Variants in DNAAF2 observed in about 807,000 individuals in gnomAD.
DNAAF2 encodes protein kintoun.
A neutral mutation model predicts 48.8 loss-of-function variants in DNAAF2; 58 were observed. The ratio of observed to expected loss-of-function variants is 1.19; its 90% CI spans 0.96 to 1.48. DNAAF2 has a LOEUF of 1.48. DNAAF2 is among the 40% of genes most tolerant of loss of function. DNAAF2 has a pLI of 0.00. For missense variants in DNAAF2, 1,241 were observed against 1,116.1 expected (o/e 1.11, Z -1.59); for synonymous variants, 567 against 481.2 (o/e 1.18, Z -2.33).
intron 1 of DNAAF2, among the ~76,000 whole-genome samples, chr14:49,630,740 T>TCCACAC (rs1883137471): frequency 7.3e-6 from 1 of 136,846 alleles, no homozygotes; most frequent in African/African-American, 2.8e-5. Context: ...ACAAACTCTC[T>TCCACAC]ACACACACAC....
intron 1 of DNAAF2, among the ~76,000 whole-genome samples, chr14:49,631,752 A>C (rs1354819038): frequency 6.6e-6 from 1 of 152,244 alleles, no homozygotes; most frequent in African/African-American, 2.4e-5. Context: ...TAAACACTGA[A>C]AACTTCAATA....
rs1361447542 is a variant in DNAAF2 at position 49,625,600 on chromosome 14, T to C, written c.2456A>G (p.Asp819Gly). 1 of 1,610,942 alleles carries C rather than the reference T, an allele frequency of 6.2e-7. No individual in the cohort carries two copies. Among genetic ancestry groups the C allele is most frequent in the Non-Finnish European group, 8.5e-7 (1 of 1,179,026 alleles). Residue 819 changes from aspartate (D) to glycine (G), a missense_variant, in exon 3 of 3, where the codon GAT becomes GGT. By Grantham distance (94) the Asp-to-Gly change is moderately conservative. Coordinates refer to ENST00000298292, the MANE Select transcript of DNAAF2 (RefSeq NM_018139.3). ...ACTGAATGCACAATTGGTCACATGA[T>C]CTTTAATGACCTGCACACTACCATC... ...MQDGSVQVIK[D>G]HVTNCAFSFQ...
In DNAAF2 at chr14:49,633,562, C is replaced by A. The variant is rs146272677; in HGVS notation, c.1588G>T (p.Asp530Tyr). Residue 530 changes from aspartate to tyrosine, a missense_variant, in exon 1 of 3, where the codon GAC (aspartate) becomes TAC (tyrosine). Transcript: ENST00000298292. ...PLCPPLLCNQ[D>Y]KETLTLLIQV... ...ATGAGCAGAGTCAAGGTTTCTTTGTCCTGATTACACAGTAACGGAGGACAC... is the reference window on the plus strand; with the variant it reads ...ATGAGCAGAGTCAAGGTTTCTTTGTACTGATTACACAGTAACGGAGGACAC... 6.8e-6 allele frequency: 11 copies of A among 1,613,892 alleles called. No homozygotes were observed. The South Asian group carries it at 7.7e-5, about 11-fold the overall frequency.
Position 49,633,729 on chromosome 14 carries a change from C to A in DNAAF2, c.1421G>T (p.Ser474Ile). Residue 474 changes from serine (S) to isoleucine (I), a missense_variant, in exon 1 of 3, where the codon AGC becomes ATC. Transcript: ENST00000298292. ...GGGSPCLSSR[S>I]LAWGSSAGRE... is the part of the protein sequence containing the mutation. The stretch of plus-strand genomic sequence containing the variant: ...TCCCGCAGAAGAACCCCACGCCAGG[C>A]TCCGGGAGGACAAACAAGGGGAGCC... 6.3e-7 allele frequency: 1 copy of A among 1,595,356 alleles called. No individual in the cohort carries two copies. Among genetic ancestry groups the A allele is most frequent in the South Asian group, 1.1e-5 (1 of 89,718 alleles).
In DNAAF2 at chr14:49,635,167, C is replaced by T. The variant is rs752090722; in HGVS notation, c.-18G>A. On this transcript the variant is annotated 5_prime_UTR_variant, in exon 1 of 3. Coordinates refer to ENST00000298292, the MANE Select transcript of DNAAF2 (RefSeq NM_018139.3). ...TTGGCCATACTGTCCTGTGGCTCCT[C>T]GCCCTCGGGCCAAAGGCGATCAGTC... 6.4e-7 allele frequency: 1 copy of T among 1,551,458 alleles called. No homozygotes were observed. The highest frequency in any genetic ancestry group is 1.2e-5 in the South Asian group (1 of 84,098).
chr14:49,633,585 C>A lies in DNAAF2; in HGVS notation c.1565G>T (p.Cys522Phe). Residue 522 changes from cysteine (C) to phenylalanine (F), a missense_variant, in exon 1 of 3, where the codon TGT becomes TTT. Coordinates refer to ENST00000298292, the MANE Select transcript of DNAAF2 (RefSeq NM_018139.3). ...GPGTKSGEPL[C>F]PPLLCNQDKE... ...GTCCTGATTACACAGTAACGGAGGA[C>A]ACAAAGGCTCCCCGCTCTTGGTCCC... is the stretch of plus-strand genomic sequence containing the variant. 6.2e-7 allele frequency: 1 copy of A among 1,613,948 alleles called. No homozygotes were observed. The highest frequency in any genetic ancestry group is 8.5e-7 in the Non-Finnish European group (1 of 1,179,886).
In DNAAF2 at chr14:49,626,053, G is replaced by A. The variant is rs768374157; in HGVS notation, c.2008-5C>T. ...AGAGTTACTACATTCTTGCAACTGT[G>A]TCAAGAGAAACAACAAATTAATAAT... On this transcript the variant is annotated splice_region_variant and splice_polypyrimidine_tract_variant and intron_variant, in intron 2 of 2. Transcript: ENST00000298292. 7.0e-6 allele frequency: 10 copies of A among 1,427,422 alleles called. No homozygotes were observed. The highest frequency in any genetic ancestry group is 9.2e-6 in the Non-Finnish European group (10 of 1,092,314). 88.4% of individuals were successfully genotyped at this position (1,427,422 alleles called of 1,614,324 possible). A position where few individuals can be genotyped will look rare whatever the true frequency, so the allele number is the denominator to read the frequency against.
At chr14:49,626,764 C>T (rs1160811130) in intron 2 of DNAAF2, among the ~76,000 whole-genome samples, 1 of 139,262 alleles carries the variant, frequency 7.2e-6, no homozygotes, top group Non-Finnish European at 1.5e-5. Flanking sequence ...GCTGGGATTA[C>T]AGGTATGAGC....
In DNAAF2 at chr14:49,633,729, C is replaced by T. The variant is rs1883233908; in HGVS notation, c.1421G>A (p.Ser474Asn). 2 of 1,595,356 alleles carry T rather than the reference C, an allele frequency of 1.3e-6. No individual in the cohort carries two copies. Among genetic ancestry groups the T allele is most frequent in the Non-Finnish European group, 1.7e-6 (2 of 1,170,582 alleles). ...TCCCGCAGAAGAACCCCACGCCAGG[C>T]TCCGGGAGGACAAACAAGGGGAGCC... ...GGGSPCLSSR[S>N]LAWGSSAGRE... is the part of the protein sequence containing the mutation. Residue 474 changes from serine to asparagine, a missense_variant, in exon 1 of 3, where the codon AGC (serine) becomes AAC (asparagine). Coordinates refer to ENST00000298292, the MANE Select transcript of DNAAF2 (RefSeq NM_018139.3).
At position 49,634,016 on chromosome 14, in the gene DNAAF2, C is replaced by T. The variant is rs1317461115; in HGVS notation, c.1134G>A (p.Gln378=). ...CCCCCTCGCGAGCGGAAGCGCAGGC[C>T]TGGCCGTCAGTTCCGGACCGGTCCG... ...ESADRSGTDG[Q]ACASAREGEA... is the part of the protein sequence containing the mutation. Residue 378 remains glutamine (Q), a synonymous_variant, in exon 1 of 3, where the codon CAG becomes CAA. Transcript: ENST00000298292. The T allele has an allele frequency of 6.6e-7, 1 of 1,523,448 alleles. No homozygotes were observed. The highest frequency in any genetic ancestry group is 8.8e-7 in the Non-Finnish European group (1 of 1,141,350). The allele number at this position is 1,523,448 out of a possible 1,614,324, so 94.4% of individuals were successfully genotyped here.
At chr14:49,626,664 C>T (rs1020994886) in intron 2 of DNAAF2, among the ~76,000 whole-genome samples, 2 of 151,752 alleles carry the variant, frequency 1.3e-5, no homozygotes, top group African/African-American at 2.4e-5. Flanking sequence ...CCACCACGCC[C>T]GGCTAATTTT....
chr14:49,632,755 C>G (rs1883195556), intron 1 of DNAAF2, among the ~76,000 whole-genome samples: 1 of 151,982 alleles, frequency 6.6e-6, no homozygotes, highest in Non-Finnish European at 1.5e-5. Flanking sequence ...CCAACTAATA[C>G]TTAATTTTTA....
At chr14:49,628,388 AGAG>A (rs761559225) in intron 1 of DNAAF2, among the ~76,000 whole-genome samples, 54 of 152,332 alleles carry the variant, frequency 3.5e-4, no homozygotes, top group Middle Eastern at 3.4e-3. Context: ...CCTAAAAGAA[AGAG>A]GTCTTGGTAC....
At position 49,633,357 on chromosome 14, in the gene DNAAF2, A is replaced by T. The variant is rs1883215227; in HGVS notation, c.1793T>A (p.Leu598Gln). ...TCCATGGCTCTCTGGAGATTTTGCC[A>T]GTTCTATCACTGCATTGTTTGAAGA... is the stretch of plus-strand genomic sequence containing the variant. Reference protein sequence around the residue: ...SISSNNAVIELAKSPESHGHW... With the variant: ...SISSNNAVIEQAKSPESHGHW... Residue 598 changes from leucine (L) to glutamine (Q), a missense_variant, in exon 1 of 3, where the codon CTG becomes CAG. Leu to Gln is a moderately radical substitution (Grantham distance 113). Coordinates refer to ENST00000298292, the MANE Select transcript of DNAAF2 (RefSeq NM_018139.3). The T allele has an allele frequency of 6.2e-7, 1 of 1,613,964 alleles. No homozygotes were observed. The highest frequency in any genetic ancestry group is 1.3e-5 in the African/African-American group (1 of 74,950).
rs763505990 is a variant in DNAAF2, at chr14:49,634,186, G to T, written c.964C>A (p.Leu322Ile). ...RKPDYRLRLSLPYPVDDGRGK... is the reference protein window; with the variant it reads ...RKPDYRLRLSIPYPVDDGRGK... ...CGGCCATCGTCCACTGGGTACGGGAGCGAGAGCCGCAGCCGGTAGTCAGGT... is the reference window on the plus strand; with the variant it reads ...CGGCCATCGTCCACTGGGTACGGGATCGAGAGCCGCAGCCGGTAGTCAGGT... The change falls in exon 1 of 3, where the codon CTC (leucine) becomes ATC (isoleucine). Residue 322 changes from leucine (L) to isoleucine (I), a missense_variant. Transcript: ENST00000298292. 6.2e-7 allele frequency: 1 copy of T among 1,610,380 alleles called. No homozygotes were observed. Among genetic ancestry groups the T allele is most frequent in the South Asian group, 1.1e-5 (1 of 90,794 alleles).
At chr14:49,629,674 AT>A (rs1594604877) in intron 1 of DNAAF2, 1 of 151,870 alleles carries the variant, frequency 6.6e-6, no homozygotes, top group Non-Finnish European at 1.5e-5. Flanking sequence ...AAAAAAAAAA[AT>A]TTGACATTTT....
intron 2 of DNAAF2, among the ~76,000 whole-genome samples, chr14:49,626,488 A>G (rs1430127270): frequency 6.6e-6 from 1 of 152,174 alleles, no homozygotes; most frequent in Non-Finnish European, 1.5e-5. Flanking sequence ...GACCCTGTCA[A>G]AAAAAGAAAA....
At chr14:49,626,650 T>A (rs1321418095) in intron 2 of DNAAF2, among the ~76,000 whole-genome samples, 1 of 151,440 alleles carries the variant, frequency 6.6e-6, no homozygotes, top group Non-Finnish European at 1.5e-5. Flanking sequence ...ATTACAGGCA[T>A]GCACCACCAC....
Position 49,633,732 on chromosome 14 carries a change from C to T in DNAAF2, c.1418G>A (p.Arg473Gln). 1 of 1,595,000 alleles carries T rather than the reference C, an allele frequency of 6.3e-7. No individual in the cohort carries two copies. Among genetic ancestry groups the T allele is most frequent in the Non-Finnish European group, 8.5e-7 (1 of 1,170,634 alleles). The change falls in exon 1 of 3, where the codon CGG (arginine) becomes CAG (glutamine). Residue 473 changes from arginine to glutamine, a missense_variant. Transcript: ENST00000298292. ...CGCAGAAGAACCCCACGCCAGGCTC[C>T]GGGAGGACAAACAAGGGGAGCCTCC... ...GGGGSPCLSSRSLAWGSSAGR... is the reference protein window; with the variant it reads ...GGGGSPCLSSQSLAWGSSAGR...
Sources: allele counts gnomAD v4.1 joint callset (sites outside exome capture counted in the v4.1 genomes callset), GRCh38; gene constraint gnomAD v4.1.1; transcripts MANE v1.5; gene names NCBI Gene and HGNC (gene_info 2026-07-23, HGNC 2026-07-21).